ABCC1: variants seen among roughly 807,000 people sequenced by gnomAD.
The protein encoded by ABCC1 is multidrug resistance-associated protein 1.
ABCC1 carries 83 observed loss-of-function variants against 172.9 expected under a neutral mutation model. The observed-to-expected ratio is 0.48, with a 90% CI of 0.40 to 0.58. The LOEUF is 0.58. Among genes scored for constraint, ABCC1 ranks in the 20% least tolerant of loss-of-function variants. The pLI, the probability that ABCC1 is intolerant of heterozygous loss-of-function variation, is 0.00. For synonymous variants in ABCC1, 937 were observed against 825.2 expected, an observed-to-expected ratio of 1.14 and a Z score of -2.32; for missense variants, 1,817 against 2,002.7, an observed-to-expected ratio of 0.91 and a Z score of 1.77.
intron 3 of ABCC1, among the ~76,000 whole-genome samples, chr16:16,012,852 T>C (rs1395001315): frequency 6.6e-6 from 1 of 151,974 alleles, no homozygotes; most frequent in African/African-American, 2.4e-5. Flanking sequence ...CTGGCTAATT[T>C]TTGTATTTTT....
chr16:16,105,265 C>G (rs1057266474), intron 20 of ABCC1: 2 of 152,216 alleles, frequency 1.3e-5, no homozygotes, highest in Non-Finnish European at 2.9e-5. Context: ...GATTTTCTGT[C>G]GAGGTGTGTG....
chr16:15,949,859 G>T, intron 1 of ABCC1, 60 bp downstream of exon 1: 1 of 1,177,262 alleles, frequency 8.5e-7, no homozygotes, highest in East Asian at 3.6e-5. Context: ...GGGAGGGAAA[G>T]CACCGGGCCC....
chr16:16,118,045 G>A (rs1296301193), intron 23 of ABCC1, among the ~76,000 whole-genome samples: 1 of 152,218 alleles, frequency 6.6e-6, no homozygotes, highest in African/African-American at 2.4e-5. Context: ...TCGCAGGATA[G>A]ATAATGTTTT....
intron 1 of ABCC1, among the ~76,000 whole-genome samples, chr16:15,983,546 A>G (rs1314557756): frequency 8.1e-6 from 1 of 123,892 alleles, no homozygotes; most frequent in Non-Finnish European, 1.6e-5. Flanking sequence ...CTAATGGTAC[A>G]CCACACTTTT....
chr16:16,107,670 T>TCAAC (rs1479674722), intron 21 of ABCC1, among the ~76,000 whole-genome samples: 1 of 152,170 alleles, frequency 6.6e-6, no homozygotes, highest in Non-Finnish European at 1.5e-5. Context: ...TCTCAACCTA[T>TCAAC]CAACCACTAT....
intron 6 of ABCC1, among the ~76,000 whole-genome samples, chr16:16,034,580 CTTTTTTTTT>C (rs35163690): frequency 7.1e-5 from 6 of 84,666 alleles, no homozygotes; most frequent in Admixed American, 5.5e-4. Context: ...TGTATGTTAA[CTTTTTTTTT>C]TTTTTTTTTT....
chr16:16,115,217 A>C, intron 23 of ABCC1, 141 bp downstream of exon 23: 1 of 952,446 alleles, frequency 1.0e-6, no homozygotes, highest in Non-Finnish European at 1.5e-6. Context: ...AGTTTCGAAT[A>C]CCTAAATTGT....
chr16:16,022,410 T>G (rs944862916), intron 5 of ABCC1, among the ~76,000 whole-genome samples: 4 of 152,104 alleles, frequency 2.6e-5, no homozygotes, highest in Non-Finnish European at 4.4e-5. Flanking sequence ...CTGCCTTTTT[T>G]CTCATTGGCA....
At position 16,056,117 on chromosome 16, in the gene ABCC1, A is replaced by G. The variant is rs553226604; in HGVS notation, c.1499A>G (p.Asn500Ser). 6 of 1,614,022 alleles carry G rather than the reference A, an allele frequency of 3.7e-6. No individual in the cohort carries two copies. In the African/African-American group the frequency reaches 4.0e-5, roughly 11 times the overall value. The change falls in exon 12 of 31, where the codon AAT becomes AGT. Residue 500 changes from asparagine to serine, a missense_variant. By Grantham distance (46) the Asn-to-Ser change is conservative. Around this residue, in one of 3 missense-constraint regions of ABCC1, gnomAD observed 1,412 missense variants for 1,600.3 expected, o/e 0.88. Coordinates refer to ENST00000399410, the MANE Select transcript of ABCC1 (RefSeq NM_004996.4). ...YQVAHMKSKDNRIKLMNEILN... is the reference protein window; with the variant it reads ...YQVAHMKSKDSRIKLMNEILN... ...GTGGCCCACATGAAGAGCAAAGACA[A>G]TCGGATCAAGCTGATGAACGAAATT... is the stretch of plus-strand genomic sequence containing the variant.
chr16:16,129,197 C>T (rs780116100), intron 26 of ABCC1, among the ~76,000 whole-genome samples: 3 of 152,126 alleles, frequency 2.0e-5, no homozygotes, highest in Non-Finnish European at 2.9e-5. Context: ...TACCTGTTAT[C>T]CTGTGAAACC....
Position 16,090,460 on chromosome 16 carries a change from T to C in ABCC1, c.2516T>C (p.Ile839Thr), listed in dbSNP as rs375686377. The C allele has an allele frequency of 3.7e-6, 6 of 1,613,736 alleles. No individual in the cohort carries two copies. Among genetic ancestry groups the C allele is most frequent in the African/African-American group, 1.3e-5 (1 of 74,948 alleles). ...MSYLPQVDVI[I>T]VMSGGKISEM... Reference sequence around the variant, plus strand: ...TACTTGCCGCAGGTGGACGTCATCATCGTCATGAGTGGCGGCAAGATCTCT... The same window carrying C: ...TACTTGCCGCAGGTGGACGTCATCACCGTCATGAGTGGCGGCAAGATCTCT... Residue 839 changes from isoleucine (I) to threonine (T), a missense_variant, in exon 19 of 31, where the codon ATC becomes ACC. Ile to Thr is a moderately conservative substitution (Grantham distance 89). This residue lies in a region of ABCC1 where 1,412 missense variants were observed against 1,600.3 expected (regional missense o/e 0.88). Transcript: ENST00000399410.
chr16:15,999,677 G>A (rs1352657100), intron 1 of ABCC1, among the ~76,000 whole-genome samples: 1 of 148,832 alleles, frequency 6.7e-6, no homozygotes, highest in Non-Finnish European at 1.5e-5. Flanking sequence ...TGTTGCCCAG[G>A]CTGGTCTAGA....
At chr16:16,006,198 A>C (rs562360957) in intron 1 of ABCC1, among the ~76,000 whole-genome samples, 2 of 152,150 alleles carry the variant, frequency 1.3e-5, no homozygotes, top group Non-Finnish European at 2.9e-5. Context: ...TTGAGACCCC[A>C]AAAAGGGTAG....
chr16:16,062,218 C>A (rs1006864617), intron 12 of ABCC1, among the ~76,000 whole-genome samples: 1 of 152,208 alleles, frequency 6.6e-6, no homozygotes, highest in Non-Finnish European at 1.5e-5. Flanking sequence ...ACATTGGATT[C>A]GTTGGCAAAA....
chr16:16,061,555 A>G (rs1467576032), intron 12 of ABCC1, among the ~76,000 whole-genome samples: 2 of 152,148 alleles, frequency 1.3e-5, no homozygotes, highest in Admixed American at 6.5e-5. Context: ...GTCAATAGTG[A>G]AAGGCCCAAG....
chr16:16,118,431 T>C (rs1245606565), intron 23 of ABCC1, among the ~76,000 whole-genome samples: 1 of 145,520 alleles, frequency 6.9e-6, no homozygotes, highest in Non-Finnish European at 1.5e-5. Flanking sequence ...CAGCTTTTTT[T>C]TTTTTTTTTT....
intron 12 of ABCC1, among the ~76,000 whole-genome samples, chr16:16,058,157 A>G (rs1293524430): frequency 2.0e-5 from 3 of 152,208 alleles, no homozygotes; most frequent in African/African-American, 7.2e-5. Flanking sequence ...CAACAGTGCA[A>G]CTTACAATTT....
At chr16:16,028,128 T>C (rs775271055) in intron 5 of ABCC1, among the ~76,000 whole-genome samples, 5 of 152,154 alleles carry the variant, frequency 3.3e-5, no homozygotes, top group Non-Finnish European at 7.4e-5. Context: ...TCCTTTGTTA[T>C]CAGCTGGCCG....
chr16:16,090,414 T>A lies in ABCC1; in HGVS notation c.2470T>A (p.Leu824Met). Reference protein sequence around the residue: ...KGMLKNKTRILVTHSMSYLPQ... With the variant: ...KGMLKNKTRIMVTHSMSYLPQ... ...TCCCCTTTGCCCACAGACGCGGATC[T>A]TGGTCACGCACAGCATGAGCTACTT... Residue 824 changes from leucine to methionine, a missense_variant, in exon 19 of 31, where the codon TTG (leucine) becomes ATG (methionine). Leu to Met is a conservative substitution (Grantham distance 15). Around this residue, in one of 3 missense-constraint regions of ABCC1, gnomAD observed 1,412 missense variants for 1,600.3 expected, o/e 0.88. Transcript: ENST00000399410. The A allele has an allele frequency of 6.3e-7, 1 of 1,597,544 alleles. No homozygotes were observed. The highest frequency in any genetic ancestry group is 8.6e-7 in the Non-Finnish European group (1 of 1,169,124).
Sources: gnomAD v4.1 joint callset for allele counts (sites outside exome capture counted in the v4.1 genomes callset) on GRCh38, gnomAD v4.1.1 for gene constraint, gnomAD v4.1.1 regional missense constraint, MANE v1.5 for transcripts, NCBI Gene and HGNC (gene_info 2026-07-23, HGNC 2026-07-21) for gene names.